The following ANTXR1 variants were observed in gnomAD, a reference collection of about 807,000 sequenced individuals.
ANTXR1 encodes the protein anthrax toxin receptor 1.
In ANTXR1, 19 loss-of-function variants were observed where a neutral mutation model predicts 78.1. The observed-to-expected ratio is 0.24, with a 90% CI of 0.17 to 0.36. ANTXR1 has a LOEUF of 0.36. ANTXR1 is among the 10% of genes least tolerant of loss of function. The probability of loss-of-function intolerance (pLI) is 1.00; values close to 1 mark genes in which losing one functional copy is unlikely to be tolerated. For synonymous variants in ANTXR1, 273 were observed against 260.5 expected (o/e 1.05, Z -0.46); for missense variants, 518 against 718.6 (o/e 0.72, Z 3.19).
chr2:69,226,799 C>G (rs1242573462), intron 17 of ANTXR1, among the ~76,000 whole-genome samples: 1 of 152,126 alleles, frequency 6.6e-6, no homozygotes, highest in Non-Finnish European at 1.5e-5. Flanking sequence ...TGAAATCCCC[C>G]CAAAGCTTTA....
chr2:69,166,663 T>C (rs1027315171), intron 13 of ANTXR1, among the ~76,000 whole-genome samples: 3 of 152,342 alleles, frequency 2.0e-5, no homozygotes, highest in Admixed American at 1.3e-4. Context: ...TCCATTAAAA[T>C]ATTTTATTAA....
chr2:69,235,601 G>T (rs1183618621), intron 17 of ANTXR1, among the ~76,000 whole-genome samples: 2 of 138,498 alleles, frequency 1.4e-5, no homozygotes, highest in Non-Finnish European at 3.0e-5. Flanking sequence ...GCAGTGAGCT[G>T]AGATCACACC....
At chr2:69,067,217 C>T (rs915663654) in intron 3 of ANTXR1, among the ~76,000 whole-genome samples, 1 of 151,536 alleles carries the variant, frequency 6.6e-6, no homozygotes, top group African/African-American at 2.4e-5. Context: ...GTTGTGATCA[C>T]CACTCGCAAC....
chr2:69,055,430 A>C (rs1670039332), intron 3 of ANTXR1, among the ~76,000 whole-genome samples: 1 of 152,184 alleles, frequency 6.6e-6, no homozygotes, highest in Non-Finnish European at 1.5e-5. Context: ...AGGGGTCTCC[A>C]TGTTGGTCAC....
intron 10 of ANTXR1, among the ~76,000 whole-genome samples, chr2:69,111,781 G>A (rs868836589): frequency 2.6e-5 from 4 of 152,310 alleles, no homozygotes; most frequent in South Asian, 2.1e-4. Context: ...GAACGTAGAC[G>A]TTCCAGAGGG....
At chr2:69,177,634 C>T (rs1267634077) in intron 14 of ANTXR1, among the ~76,000 whole-genome samples, 1 of 152,210 alleles carries the variant, frequency 6.6e-6, no homozygotes, top group Non-Finnish European at 1.5e-5. Flanking sequence ...CGGTTTCTCC[C>T]AGGCACCACT....
chr2:69,020,206 G>A (rs529773351), intron 1 of ANTXR1, among the ~76,000 whole-genome samples: 1 of 152,180 alleles, frequency 6.6e-6, no homozygotes, highest in Non-Finnish European at 1.5e-5. Context: ...ATAGTTATCA[G>A]GGGCCAGGAA....
intron 8 of ANTXR1, among the ~76,000 whole-genome samples, chr2:69,078,462 G>T (rs561886557): frequency 6.6e-6 from 1 of 152,308 alleles, no homozygotes; most frequent in South Asian, 2.1e-4. Context: ...CTCAGCATCT[G>T]CCAGCCCTCC....
At chr2:69,117,630 C>T (rs1195687587) in intron 10 of ANTXR1, among the ~76,000 whole-genome samples, 2 of 151,970 alleles carry the variant, frequency 1.3e-5, no homozygotes, top group African/African-American at 4.8e-5. Flanking sequence ...ATGTTTAATC[C>T]CTCTGATTTT....
chr2:69,038,300 A>G (rs1191969898), intron 1 of ANTXR1, among the ~76,000 whole-genome samples: 2 of 152,184 alleles, frequency 1.3e-5, no homozygotes, highest in Non-Finnish European at 1.5e-5. Flanking sequence ...TTTAATAGTT[A>G]ATAAGAAATA....
intron 3 of ANTXR1, 32 bp from the exon 4 acceptor site, chr2:69,070,615 A>T (rs768991887): frequency 3.2e-5 from 51 of 1,606,740 alleles, no homozygotes; most frequent in Non-Finnish European, 4.2e-5. Flanking sequence ...AAAATACTCA[A>T]ATAAGACTAA....
chr2:69,091,160 C>A (rs1024575862), intron 9 of ANTXR1, among the ~76,000 whole-genome samples: 1 of 151,718 alleles, frequency 6.6e-6, no homozygotes, highest in South Asian at 2.1e-4. Context: ...TCTTCTTTCA[C>A]TGGGCGCGGC....
At chr2:69,072,322 A>C (rs966466707) in intron 5 of ANTXR1, among the ~76,000 whole-genome samples, 4 of 152,170 alleles carry the variant, frequency 2.6e-5, no homozygotes, top group Non-Finnish European at 5.9e-5. Context: ...TTTCGTGAGT[A>C]GCATTTCTGT....
In ANTXR1 at chr2:69,026,400, C is replaced by A. The variant is rs1671346238; in HGVS notation, c.152+12749C>A. Among the ~76,000 whole-genome samples the A allele has an allele frequency of 3.9e-5, 6 of 152,212 alleles. No individual in the cohort carries two copies. The South Asian group carries it at 1.2e-3, about 32-fold the overall frequency. On this transcript the variant is annotated intron_variant, in intron 1 of 17. Transcript: ENST00000303714. ...ATAGTATGTGTCACATAAGGTTGTG[C>A]TCAGAACAGCGTTGGCCACACTGGA...
intron 17 of ANTXR1, among the ~76,000 whole-genome samples, chr2:69,216,304 G>A (rs143909771): frequency 1.2e-4 from 18 of 152,210 alleles, no homozygotes; most frequent in African/African-American, 3.4e-4. Flanking sequence ...ACAGGTAAGC[G>A]GAGATAATCT....
Position 69,248,627 on chromosome 2 carries a change from C to T in ANTXR1, c.*3142C>T, listed in dbSNP as rs1676070382. 2 of 152,218 alleles carry T rather than the reference C, an allele frequency of 1.3e-5. No homozygotes were observed. Among genetic ancestry groups the T allele is most frequent in the Admixed American group, 6.5e-5 (1 of 15,284 alleles). The allele number at this position is 152,218 out of a possible 1,614,324, so 9.4% of individuals were successfully genotyped here. On this transcript the variant is annotated 3_prime_UTR_variant, in exon 18 of 18. Transcript: ENST00000303714. ...CTGGCCATGGGTAACCTCATTGTAA[C>T]TATCATCAGAATGGGCAGAGATGAT...
chr2:69,147,798 A>G (rs1440821424), intron 12 of ANTXR1, among the ~76,000 whole-genome samples: 1 of 152,194 alleles, frequency 6.6e-6, no homozygotes, highest in African/African-American at 2.4e-5. Flanking sequence ...TGAGTTACAT[A>G]TCTTCACTGA....
chr2:69,176,669 T>C (rs190858719), intron 14 of ANTXR1, among the ~76,000 whole-genome samples: 94 of 152,356 alleles, frequency 6.2e-4, no homozygotes, highest in Non-Finnish European at 1.2e-3. Flanking sequence ...GACTCAATGA[T>C]AGTTGCTTGA....
At chr2:69,182,845 G>T in intron 16 of ANTXR1, 185 bp downstream of exon 16, 10 of 772,220 alleles carry the variant, frequency 1.3e-5, no homozygotes, top group Non-Finnish European at 2.1e-5. Flanking sequence ...CATAATCTGG[G>T]TTGAAAACTA....
Sources: allele counts gnomAD v4.1 joint callset (sites outside exome capture counted in the v4.1 genomes callset), GRCh38; gene constraint gnomAD v4.1.1; transcripts MANE v1.5; gene names NCBI Gene and HGNC (gene_info 2026-07-23, HGNC 2026-07-21).